The following KANK1 variants were observed in gnomAD, a reference collection of about 807,000 sequenced individuals.
KANK1 encodes KN motif and ankyrin repeat domain-containing protein 1.
A neutral mutation model predicts 106.2 loss-of-function variants in KANK1; 109 were observed. That is an observed-to-expected ratio of 1.03 (90% CI 0.88 to 1.20). The LOEUF (loss-of-function observed/expected upper bound fraction) is 1.20. Among genes scored for constraint, KANK1 ranks in the 50% most tolerant of loss-of-function variants. The probability of loss-of-function intolerance (pLI) is 0.00; values close to 1 mark genes in which losing one functional copy is unlikely to be tolerated. For missense variants in KANK1, 2,399 were observed against 1,710.7 expected, an observed-to-expected ratio of 1.40 and a Z score of -7.10; for synonymous variants, 873 against 652.2, an observed-to-expected ratio of 1.34 and a Z score of -5.16.
rs370230193 is a variant in KANK1 at position 726,957 on chromosome 9, ACT to A, written c.2699-3088_2699-3087del. On this transcript the variant is annotated intron_variant, in intron 3 of 11. Transcript: ENST00000382297. Reference sequence around the variant, plus strand: ...CCTGGGCAACAGCACAAGACAAGACACTCTCTCAATTAAAATAAAAAATTATT... The same window carrying A: ...CCTGGGCAACAGCACAAGACAAGACACTCTCAATTAAAATAAAAAATTATT... Among the ~76,000 whole-genome samples the A allele has an allele frequency of 4.3e-3, 654 of 152,080 alleles. 6 individuals carry two copies. The highest frequency in any genetic ancestry group is 0.015 in the African/African-American group (626 of 41,492).
rs1488783985 is a variant in KANK1 at position 476,908 on chromosome 9, G to A, written c.-362+3635G>A. ...GAGAAAAAGCAAACAAGACACAAAT[G>A]AGTTTTCTAAACTATGTGTCTCCCC... is the stretch of plus-strand genomic sequence containing the variant. On this transcript the variant is annotated intron_variant, in intron 3 of 15. Transcript: ENST00000382303. 8 of 152,298 alleles carry A rather than the reference G, an allele frequency of 5.3e-5. 1 individual carries two copies. The highest frequency in any genetic ancestry group is 1.9e-4 in the African/African-American group (8 of 41,560). The allele number at this position is 152,298 out of a possible 1,614,324, so 9.4% of individuals were successfully genotyped here. A position where few individuals can be genotyped will look rare whatever the true frequency, so the allele number is the denominator to read the frequency against.
chr9:497,798 A>C (rs56805653), intron 3 of KANK1, among the ~76,000 whole-genome samples: 3,033 of 151,938 alleles, frequency 0.02, 107 homozygotes, highest in African/African-American at 0.069. Context: ...GGGTGCAGTG[A>C]GCCGTGATTG....
intron 2 of KANK1, among the ~76,000 whole-genome samples, chr9:694,778 A>G (rs921783409): frequency 2.0e-5 from 3 of 152,126 alleles, no homozygotes; most frequent in Non-Finnish European, 2.9e-5. Flanking sequence ...AGAATTGGCA[A>G]TACCCAGGAG....
At position 520,262 on chromosome 9, in the gene KANK1, TG is replaced by T. The variant is rs1187542648; in HGVS notation, c.-84+15512del. 8.6e-5 allele frequency among the ~76,000 whole-genome samples: 13 copies of T among 151,748 alleles called. 1 individual carries two copies. Among genetic ancestry groups the T allele is most frequent in the African/African-American group, 2.9e-4 (12 of 41,046 alleles). On this transcript the variant is annotated intron_variant, in intron 1 of 11. Coordinates refer to ENST00000382297, the MANE Select transcript of KANK1 (RefSeq NM_015158.5). ...TGGAGGTGGGAGGATCACCTCAGCC[TG>T]GGGAGGTTAAGGCTGTAGTGAGCTG...
At chr9:569,353 G>A (rs1185028528) in intron 1 of KANK1, among the ~76,000 whole-genome samples, 1 of 152,088 alleles carries the variant, frequency 6.6e-6, no homozygotes, top group Non-Finnish European at 1.5e-5. Context: ...TTTAAGAGGT[G>A]GCTCTGCCCT....
intron 9 of KANK1, 148 bp from the exon 10 acceptor site, chr9:742,057 T>C: frequency 2.9e-6 from 2 of 690,470 alleles, no homozygotes; most frequent in Admixed American, 2.5e-5. Flanking sequence ...TTCTCCCTGC[T>C]TGCCACCACC....
intron 9 of KANK1, among the ~76,000 whole-genome samples, chr9:741,326 T>G (rs1189113816): frequency 1.4e-5 from 1 of 72,124 alleles, no homozygotes; most frequent in African/African-American, 3.5e-5. Context: ...ACAGCTTGAC[T>G]TTTTTTTTTT....
At chr9:574,923 C>T (rs1433486790) in intron 1 of KANK1, among the ~76,000 whole-genome samples, 1 of 151,136 alleles carries the variant, frequency 6.6e-6, no homozygotes, top group Admixed American at 6.6e-5. Flanking sequence ...AAGTTGAAAC[C>T]TGTGTTTGCC....
At chr9:622,467 G>C (rs570521423) in intron 1 of KANK1, among the ~76,000 whole-genome samples, 3 of 152,294 alleles carry the variant, frequency 2.0e-5, no homozygotes, top group South Asian at 4.1e-4. Context: ...GAAGCATCCT[G>C]ACAAGGGTGC....
At position 712,018 on chromosome 9, in the gene KANK1, G is replaced by C. The variant is rs753168223; in HGVS notation, c.1252G>C (p.Gly418Arg). ...GAACGACATCGTCGTGTACCACAGAGGCTCCAGGTCCTGTAAGGATGCAGC... is the reference window on the plus strand; with the variant it reads ...GAACGACATCGTCGTGTACCACAGACGCTCCAGGTCCTGTAAGGATGCAGC... ...NMNDIVVYHR[G>R]SRSCKDAAVG... The change falls in exon 3 of 12, where the codon GGC becomes CGC. Residue 418 changes from glycine (G) to arginine (R), a missense_variant. Gly to Arg is a moderately radical substitution (Grantham distance 125). Coordinates refer to ENST00000382297, the MANE Select transcript of KANK1 (RefSeq NM_015158.5). 1 of 1,614,158 alleles carries C rather than the reference G, an allele frequency of 6.2e-7. No homozygotes were observed.
intron 1 of KANK1, among the ~76,000 whole-genome samples, chr9:526,800 G>A (rs968221318): frequency 6.6e-6 from 1 of 151,552 alleles, no homozygotes; most frequent in Admixed American, 6.6e-5. Context: ...TCTTGAGAAA[G>A]CATGCTTATC....
At chr9:480,047 C>T (rs766719078) in intron 3 of KANK1, among the ~76,000 whole-genome samples, 14 of 152,330 alleles carry the variant, frequency 9.2e-5, no homozygotes, top group Non-Finnish European at 1.2e-4. Flanking sequence ...GAATCAAAAA[C>T]TTTAACGGAG....
At chr9:506,354 G>T (rs2058754381) in intron 1 of KANK1, among the ~76,000 whole-genome samples, 1 of 152,150 alleles carries the variant, frequency 6.6e-6, no homozygotes, top group South Asian at 2.1e-4. Flanking sequence ...AGGTTAAAAT[G>T]AATAAGGATG....
chr9:569,212 C>CCTAT (rs1818573168), intron 1 of KANK1, among the ~76,000 whole-genome samples: 1 of 152,076 alleles, frequency 6.6e-6, no homozygotes, highest in Admixed American at 6.5e-5. Flanking sequence ...AACATAGCTT[C>CCTAT]CTATCTCTAT....
chr9:674,687 AAGAC>A (rs1257947235), intron 1 of KANK1, among the ~76,000 whole-genome samples: 1 of 152,160 alleles, frequency 6.6e-6, no homozygotes, highest in Non-Finnish European at 1.5e-5. Context: ...TAAAGCAAAT[AAGAC>A]AGAAGGGGTC....
intron 3 of KANK1, among the ~76,000 whole-genome samples, chr9:493,425 T>G (rs1369385019): frequency 6.6e-6 from 1 of 151,790 alleles, no homozygotes; most frequent in Non-Finnish European, 1.5e-5. Context: ...CCAGTGACAT[T>G]CTGATTGCAA....
intron 1 of KANK1, among the ~76,000 whole-genome samples, chr9:608,038 T>TTTTA (rs1428235169): frequency 7.3e-6 from 1 of 137,542 alleles, no homozygotes; most frequent in Non-Finnish European, 1.6e-5. Context: ...ATTATTATTT[T>TTTTA]TTTTTTTTTT....
intron 9 of KANK1, 49 bp from the exon 10 acceptor site, chr9:742,156 C>T (rs766002255): frequency 6.5e-7 from 1 of 1,539,958 alleles, no homozygotes; most frequent in South Asian, 1.1e-5. Context: ...GAGGCCACCA[C>T]TGCCAGCTCA....
At position 713,199 on chromosome 9, in the gene KANK1, C is replaced by T. The variant is rs1197458615; in HGVS notation, c.2433C>T (p.Pro811=). 2 of 1,586,754 alleles carry T rather than the reference C, an allele frequency of 1.3e-6. No homozygotes were observed. Among genetic ancestry groups the T allele is most frequent in the Non-Finnish European group, 1.7e-6 (2 of 1,166,470 alleles). ...CTGTAGGGGAATCTCTGGAGAACCC[C>T]CAGCCTCAAGCTCCACTTGGAATGA... ...DDPVGESLEN[P]QPQAPLGMMT... Residue 811 remains proline, a synonymous_variant, in exon 3 of 12, where the codon CCC becomes CCT. Coordinates refer to ENST00000382297, the MANE Select transcript of KANK1 (RefSeq NM_015158.5).
Sources: allele counts gnomAD v4.1 joint callset (sites outside exome capture counted in the v4.1 genomes callset), GRCh38; gene constraint gnomAD v4.1.1; transcripts MANE v1.5; gene names NCBI Gene and HGNC (gene_info 2026-07-23, HGNC 2026-07-21).